The following PTPRM variants were observed in gnomAD, a reference collection of about 807,000 sequenced individuals.
The protein encoded by PTPRM is protein tyrosine phosphatase receptor type M.
PTPRM carries 47 observed loss-of-function variants against 186.7 expected under a neutral mutation model. The observed-to-expected ratio is 0.25, with a 90% confidence interval of 0.20 to 0.32. The LOEUF is 0.32. Among genes scored for constraint, PTPRM ranks in the 10% least tolerant of loss-of-function variants. The pLI is 1.00. For synonymous variants in PTPRM, 668 were observed against 674.9 expected (o/e 0.99, Z 0.16); for missense variants, 1,494 against 1,865.0 (o/e 0.80, Z 3.66).
In PTPRM at chr18:7,627,792, A is replaced by G. The variant is rs1022528506; in HGVS notation, c.73+59901A>G. ...AACTTTAACTCGGTGATTTTTCCTGACAGAAGGTCCTCTCTAAGGACAGCA... is the reference window on the plus strand; with the variant it reads ...AACTTTAACTCGGTGATTTTTCCTGGCAGAAGGTCCTCTCTAAGGACAGCA... On this transcript the variant is annotated intron_variant, in intron 1 of 32. Transcript: ENST00000580170. Among the ~76,000 whole-genome samples the G allele has an allele frequency of 1.4e-4, 21 of 152,232 alleles. No homozygotes were observed. In the South Asian group the frequency reaches 3.3e-3, roughly 24 times the overall value.
chr18:8,072,516 C>A (rs984585734), intron 8 of PTPRM, among the ~76,000 whole-genome samples: 1 of 151,856 alleles, frequency 6.6e-6, no homozygotes, highest in East Asian at 1.9e-4. Context: ...TTTTGTAACC[C>A]CTCCAAAAAA....
intron 2 of PTPRM, among the ~76,000 whole-genome samples, chr18:7,823,850 C>A (rs1400204797): frequency 6.6e-6 from 1 of 152,088 alleles, no homozygotes; most frequent in Non-Finnish European, 1.5e-5. Flanking sequence ...ACCTTGTGAT[C>A]GTGTGAGTCA....
At chr18:8,143,531 C>T (rs2092811638) in intron 13 of PTPRM, 116 bp from the exon 14 acceptor site, 1 of 1,073,400 alleles carries the variant, frequency 9.3e-7, no homozygotes, top group East Asian at 2.5e-5. Context: ...GCTTGTCTGT[C>T]TGCTGGCTCT....
chr18:8,112,778 G>A (rs2091813287), intron 11 of PTPRM, among the ~76,000 whole-genome samples: 1 of 152,110 alleles, frequency 6.6e-6, no homozygotes, highest in Admixed American at 6.6e-5. Flanking sequence ...CTCCTTAGTG[G>A]GGCTGTCATC....
chr18:8,203,510 TTAAAAGACA>T (rs2093886170), intron 14 of PTPRM, among the ~76,000 whole-genome samples: 1 of 152,188 alleles, frequency 6.6e-6, no homozygotes, highest in Non-Finnish European at 1.5e-5. Context: ...AATGAAAAGT[TTAAAAGACA>T]TTGGGAAAAT....
intron 7 of PTPRM, among the ~76,000 whole-genome samples, chr18:7,979,938 C>A (rs923837388): frequency 2.0e-5 from 3 of 152,190 alleles, no homozygotes; most frequent in Admixed American, 2.0e-4. Context: ...ATGCCCACAT[C>A]TCCAGGGCTG....
chr18:8,146,025 C>CTTTTTT (rs33980345), intron 14 of PTPRM, among the ~76,000 whole-genome samples: 1 of 109,880 alleles, frequency 9.1e-6, no homozygotes, highest in Non-Finnish European at 1.9e-5. Context: ...TCTTTCTTTT[C>CTTTTTT]TTTTTTTTTT....
At chr18:8,215,681 T>A (rs1334620751) in intron 14 of PTPRM, among the ~76,000 whole-genome samples, 1 of 151,554 alleles carries the variant, frequency 6.6e-6, no homozygotes, top group Non-Finnish European at 1.5e-5. Context: ...TAGCTGAGAC[T>A]ACAGGCTCAT....
chr18:7,702,714 G>A (rs546470807), intron 1 of PTPRM, among the ~76,000 whole-genome samples: 6 of 152,048 alleles, frequency 3.9e-5, no homozygotes, highest in Non-Finnish European at 5.9e-5. Context: ...CCCATTTGTC[G>A]ATTTTGGCAT....
At chr18:8,376,773 T>TAAACAAACC in intron 26 of PTPRM, 176 bp downstream of exon 26, 1 of 789,110 alleles carries the variant, frequency 1.3e-6, no homozygotes, top group East Asian at 3.1e-5. Flanking sequence ...TTTCCTCTCA[T>TAAACAAACC]AAACAAACCA....
chr18:7,878,149 A>G (rs767759220), intron 2 of PTPRM, among the ~76,000 whole-genome samples: 2 of 152,218 alleles, frequency 1.3e-5, no homozygotes, highest in Non-Finnish European at 2.9e-5. Context: ...TTTCCCAGAC[A>G]TCTCCATTCT....
chr18:8,026,685 C>T (rs2085590287), intron 7 of PTPRM, among the ~76,000 whole-genome samples: 1 of 151,960 alleles, frequency 6.6e-6, no homozygotes, highest in Non-Finnish European at 1.5e-5. Flanking sequence ...GGTGAAACCC[C>T]ATCTCTACTA....
chr18:8,394,085 C>T (rs1025371085), intron 31 of PTPRM, among the ~76,000 whole-genome samples: 2 of 152,204 alleles, frequency 1.3e-5, no homozygotes, highest in African/African-American at 2.4e-5. Context: ...AGTCACTGCG[C>T]CCAGCTGCTA....
intron 1 of PTPRM, among the ~76,000 whole-genome samples, chr18:7,580,031 G>A (rs2036801898): frequency 6.6e-6 from 1 of 152,168 alleles, no homozygotes; most frequent in South Asian, 2.1e-4. Flanking sequence ...TAGGAGAGGT[G>A]GCTCATTAAG....
At chr18:7,738,228 G>A (rs1220111475) in intron 1 of PTPRM, among the ~76,000 whole-genome samples, 1 of 152,094 alleles carries the variant, frequency 6.6e-6, no homozygotes, top group Non-Finnish European at 1.5e-5. Context: ...TTTTGCCAAC[G>A]AGAAGTAAGT....
At chr18:7,739,376 G>A (rs2144491649) in intron 1 of PTPRM, among the ~76,000 whole-genome samples, 1 of 152,290 alleles carries the variant, frequency 6.6e-6, no homozygotes, top group Non-Finnish European at 1.5e-5. Flanking sequence ...GCTCAAATTT[G>A]CTTTCTGTCT....
chr18:8,341,563 C>A (rs1002688664), intron 22 of PTPRM, among the ~76,000 whole-genome samples: 4 of 152,116 alleles, frequency 2.6e-5, no homozygotes, highest in Non-Finnish European at 4.4e-5. Context: ...CTTTGCTCTT[C>A]CTGCAGGCAC....
At chr18:8,363,698 C>A (rs2095610725) in intron 23 of PTPRM, among the ~76,000 whole-genome samples, 1 of 152,150 alleles carries the variant, frequency 6.6e-6, no homozygotes, top group Non-Finnish European at 1.5e-5. Context: ...GGGGAACAAG[C>A]AGTGGAAATA....
chr18:8,206,103 C>T (rs138043842), intron 14 of PTPRM, among the ~76,000 whole-genome samples: 34 of 151,490 alleles, frequency 2.2e-4, no homozygotes, highest in African/African-American at 8.3e-4. Flanking sequence ...TACTATGAAC[C>T]AAAAGAGAAG....
Sources: allele counts gnomAD v4.1 joint callset (sites outside exome capture counted in the v4.1 genomes callset), GRCh38; gene constraint gnomAD v4.1.1; transcripts MANE v1.5; gene names NCBI Gene and HGNC (gene_info 2026-07-23, HGNC 2026-07-21).